Variants in SMIM36 observed in about 807,000 individuals in gnomAD.
SMIM36 encodes small integral membrane protein 36.
At chr17:55,514,354 C>A (rs558746660), upstream of SMIM36, among the ~76,000 whole-genome samples, 2 of 152,252 alleles carry the variant, frequency 1.3e-5, no homozygotes, top group African/African-American at 4.8e-5. Context: ...TCGTTTATTA[C>A]AAATATGAAT....
chr17:55,485,535 C>G (rs1003838604), intron 1 of SMIM36, among the ~76,000 whole-genome samples: 21 of 152,096 alleles, frequency 1.4e-4, no homozygotes, highest in African/African-American at 4.8e-4. Context: ...TTGTTCCCCC[C>G]ACCTCGGCCT....
At chr17:55,522,241 A>G in the SMIM36 span, among the ~76,000 whole-genome samples, 1 of 152,214 alleles carries the variant, frequency 6.6e-6, no homozygotes, top group Admixed American at 6.5e-5. Flanking sequence ...TCTACATGAG[A>G]TGTTCTCCTC....
At chr17:55,524,458 A>G in the SMIM36 span, among the ~76,000 whole-genome samples, 1 of 152,148 alleles carries the variant, frequency 6.6e-6, no homozygotes, top group African/African-American at 2.4e-5. Flanking sequence ...TGCTGGGTTG[A>G]ATGGTATTTG....
At chr17:55,491,880 C>T (rs1369667822) in intron 1 of SMIM36, among the ~76,000 whole-genome samples, 5 of 152,142 alleles carry the variant, frequency 3.3e-5, no homozygotes, top group African/African-American at 4.8e-5. Context: ...GCAAACTAGG[C>T]GGGGCGGGGT....
chr17:55,456,831 A>G (rs1424301243), intron 4 of SMIM36, among the ~76,000 whole-genome samples: 1 of 152,174 alleles, frequency 6.6e-6, no homozygotes, highest in Non-Finnish European at 1.5e-5. Flanking sequence ...CTTTCAGGTC[A>G]CCCTTGGTGT....
the SMIM36 span, chr17:55,527,317 C>T: frequency 6.6e-6 from 1 of 152,128 alleles, no homozygotes; most frequent in Admixed American, 6.5e-5. Context: ...CTGGTTTCCT[C>T]AGAGTCCTTA....
chr17:55,480,704 T>G (rs1286721635), intron 1 of SMIM36, among the ~76,000 whole-genome samples: 1 of 152,184 alleles, frequency 6.6e-6, no homozygotes, highest in Non-Finnish European at 1.5e-5. Flanking sequence ...TCAGGAAACC[T>G]CAAGTTTAAT....
intron 3 of SMIM36, among the ~76,000 whole-genome samples, chr17:55,474,207 G>A (rs897739405): frequency 6.6e-6 from 1 of 152,196 alleles, no homozygotes; most frequent in African/African-American, 2.4e-5. Flanking sequence ...TGTCTGAGGG[G>A]TTTTGTCTGC....
the SMIM36 span, among the ~76,000 whole-genome samples, chr17:55,525,806 C>A: frequency 1.3e-5 from 2 of 152,044 alleles, no homozygotes; most frequent in African/African-American, 4.8e-5. Context: ...TACAGGCAGG[C>A]GCCACCATGC....
At chr17:55,528,949 G>T in the SMIM36 span, among the ~76,000 whole-genome samples, 1 of 152,228 alleles carries the variant, frequency 6.6e-6, no homozygotes. Flanking sequence ...TAGCTAAAGA[G>T]CTCTGGATGA....
At chr17:55,524,663 A>G in the SMIM36 span, among the ~76,000 whole-genome samples, 4 of 152,078 alleles carry the variant, frequency 2.6e-5, no homozygotes, top group African/African-American at 9.7e-5. Flanking sequence ...GCATTTCTCT[A>G]GTTCACTAAA....
At chr17:55,513,574 T>G (rs991591796), upstream of SMIM36, among the ~76,000 whole-genome samples, 1 of 152,196 alleles carries the variant, frequency 6.6e-6, no homozygotes, top group Non-Finnish European at 1.5e-5. Context: ...GGCAGCATTA[T>G]GTACCAGATG....
chr17:55,495,292 T>C (rs1017675574), intron 1 of SMIM36, among the ~76,000 whole-genome samples: 11 of 152,196 alleles, frequency 7.2e-5, no homozygotes, highest in Non-Finnish European at 2.9e-5. Flanking sequence ...AGGTAAATCA[T>C]TCACAAACTT....
At chr17:55,530,482 C>T in the SMIM36 span, among the ~76,000 whole-genome samples, 8 of 152,188 alleles carry the variant, frequency 5.3e-5, no homozygotes, top group African/African-American at 9.6e-5. Flanking sequence ...CTGCCCCAGA[C>T]GCAGTTAAAA....
upstream of SMIM36, among the ~76,000 whole-genome samples, chr17:55,516,274 A>G (rs929810224): frequency 5.3e-5 from 8 of 152,194 alleles, no homozygotes; most frequent in Admixed American, 2.0e-4. Context: ...TATTTGAACC[A>G]ATTTCTCTTC....
intron 1 of SMIM36, among the ~76,000 whole-genome samples, chr17:55,494,855 G>A (rs149250099): frequency 1.5e-4 from 23 of 152,248 alleles, no homozygotes; most frequent in East Asian, 7.7e-4. Flanking sequence ...TCACTGACAG[G>A]AATGCACGAT....
exon 5 of SMIM36, chr17:55,450,072 A>G (rs918619846): frequency 6.6e-6 from 1 of 152,234 alleles, no homozygotes; most frequent in African/African-American, 2.4e-5. Flanking sequence ...TGGAGTACCC[A>G]GATGGACCCT....
At chr17:55,505,451 T>C (rs1287949806) in intron 1 of SMIM36, among the ~76,000 whole-genome samples, 1 of 67,180 alleles carries the variant, frequency 1.5e-5, no homozygotes, top group Non-Finnish European at 2.3e-5. Flanking sequence ...TAATCCAGCA[T>C]ATAAACAGAA....
chr17:55,487,882 C>T (rs983481923), intron 1 of SMIM36, among the ~76,000 whole-genome samples: 5 of 152,036 alleles, frequency 3.3e-5, no homozygotes, highest in Non-Finnish European at 7.4e-5. Flanking sequence ...TTTGCTGTTT[C>T]GTGGCAAATG....
Sources: allele counts gnomAD v4.1 joint callset (sites outside exome capture counted in the v4.1 genomes callset), GRCh38; gene constraint gnomAD v4.1.1; transcripts MANE v1.5; gene names NCBI Gene and HGNC (gene_info 2026-07-23, HGNC 2026-07-21).